Variants in SLCO5A1 observed in about 807,000 individuals in gnomAD.
SLCO5A1 encodes solute carrier organic anion transporter family member 5A1, also known as organic anion transporter polypeptide-related protein 4.
SLCO5A1 carries 39 observed loss-of-function variants against 65.1 expected under a neutral mutation model. The ratio of observed to expected loss-of-function variants is 0.60; its 90% CI spans 0.46 to 0.78. The LOEUF (loss-of-function observed/expected upper bound fraction) is 0.78, where lower values mean the gene tolerates loss of function less well. Among genes scored for constraint, SLCO5A1 ranks in the 30% least tolerant of loss-of-function variants. SLCO5A1 has a pLI of 0.00. For synonymous variants in SLCO5A1, 438 were observed against 415.7 expected, an observed-to-expected ratio of 1.05 and a Z score of -0.65; for missense variants, 1,029 against 1,069.4, an observed-to-expected ratio of 0.96 and a Z score of 0.53.
intron 5 of SLCO5A1, among the ~76,000 whole-genome samples, chr8:69,716,266 A>G (rs1815532893): frequency 6.6e-6 from 1 of 152,220 alleles, no homozygotes. Context: ...CTTTTTGGTT[A>G]TTATGAATAA....
intron 2 of SLCO5A1, among the ~76,000 whole-genome samples, chr8:69,811,790 G>A (rs1338860652): frequency 6.6e-6 from 1 of 152,198 alleles, no homozygotes; most frequent in Non-Finnish European, 1.5e-5. Context: ...TGTTTTAAGT[G>A]CATCCTGGGC....
chr8:69,688,387 C>A (rs1019841603), intron 6 of SLCO5A1, among the ~76,000 whole-genome samples: 13 of 151,732 alleles, frequency 8.6e-5, no homozygotes, highest in Non-Finnish European at 1.8e-4. Flanking sequence ...GCACAATGTG[C>A]AGGTTAGTTA....
chr8:69,833,678 G>C (rs1201316530), intron 1 of SLCO5A1: 1 of 152,254 alleles, frequency 6.6e-6, no homozygotes, highest in Non-Finnish European at 1.5e-5. Context: ...GTGCACACTG[G>C]TGTGCGTTGG....
At chr8:69,824,954 G>T (rs1021805748) in intron 2 of SLCO5A1, among the ~76,000 whole-genome samples, 1 of 152,054 alleles carries the variant, frequency 6.6e-6, no homozygotes, top group Non-Finnish European at 1.5e-5. Flanking sequence ...TCATCCCTGG[G>T]ATGCAAGGCT....
At chr8:69,753,738 T>C (rs2001956) in intron 4 of SLCO5A1, among the ~76,000 whole-genome samples, 34,932 of 151,840 alleles carry the variant, frequency 0.23, 5,314 homozygotes, top group African/African-American at 0.43. Flanking sequence ...TGGCCAGGCA[T>C]GGTGGCTCAC....
chr8:69,770,122 A>G (rs1407842437), intron 2 of SLCO5A1, among the ~76,000 whole-genome samples: 1 of 152,172 alleles, frequency 6.6e-6, no homozygotes, highest in Non-Finnish European at 1.5e-5. Context: ...TTCTATGTCA[A>G]TAAATATTCT....
Position 69,684,081 on chromosome 8 carries a change from G to C in SLCO5A1, c.1623-1738C>G, listed in dbSNP as rs146727581. ...ACAATGCAAAAGGCAAATAAATTCT[G>C]TTTTTCATTCATGTCGCTCCATAGA... On this transcript the variant is annotated intron_variant, in intron 6 of 9. Transcript: ENST00000260126. 3.9e-4 allele frequency among the ~76,000 whole-genome samples: 59 copies of C among 152,126 alleles called. 1 individual carries two copies. In the South Asian group the frequency reaches 6.8e-3, roughly 18 times the overall value.
At chr8:69,765,386 T>TTATATATATATATATATA (rs371210780) in intron 2 of SLCO5A1, among the ~76,000 whole-genome samples, 2 of 149,044 alleles carry the variant, frequency 1.3e-5, no homozygotes, top group African/African-American at 5.0e-5. Flanking sequence ...GTATGAGTAT[T>TTATATATATATATATATA]TATATATATA....
chr8:69,704,570 CA>C (rs1301240538), intron 6 of SLCO5A1, among the ~76,000 whole-genome samples: 2 of 151,934 alleles, frequency 1.3e-5, no homozygotes, highest in Admixed American at 6.6e-5. Flanking sequence ...GAAGGATATG[CA>C]AAAAAATGAA....
At chr8:69,682,368 T>C in intron 6 of SLCO5A1, 25 bp from the exon 7 acceptor site, 1 of 1,514,906 alleles carries the variant, frequency 6.6e-7, no homozygotes, top group Non-Finnish European at 8.8e-7. Context: ...AAGCAGATCA[T>C]GAGCAACACT....
intron 2 of SLCO5A1, among the ~76,000 whole-genome samples, chr8:69,789,990 T>A (rs1012798634): frequency 1.3e-5 from 2 of 151,790 alleles, no homozygotes; most frequent in African/African-American, 4.8e-5. Context: ...ATCAGGAGTT[T>A]GAGACCAGCC....
chr8:69,778,228 GGTGTGTGTGTGTGTGT>G (rs71556783), intron 2 of SLCO5A1, among the ~76,000 whole-genome samples: 3 of 143,038 alleles, frequency 2.1e-5, no homozygotes, highest in Admixed American at 7.0e-5. Context: ...ATATGTATGG[GGTGTGTGTGTGTGTGT>G]GTGTGTGTGT....
chr8:69,725,881 C>A (rs1006579832), intron 5 of SLCO5A1, among the ~76,000 whole-genome samples: 1 of 152,114 alleles, frequency 6.6e-6, no homozygotes, highest in Non-Finnish European at 1.5e-5. Context: ...TCTTTCTCAA[C>A]CTGACTTCTA....
chr8:69,687,778 T>C (rs533237725), intron 6 of SLCO5A1, among the ~76,000 whole-genome samples: 7 of 152,026 alleles, frequency 4.6e-5, no homozygotes, highest in African/African-American at 1.7e-4. Context: ...TTTTAAATTC[T>C]GTTTTGTCTC....
intron 5 of SLCO5A1, among the ~76,000 whole-genome samples, chr8:69,705,966 A>G (rs978311206): frequency 2.6e-5 from 4 of 152,254 alleles, no homozygotes. Context: ...ACTTGTGCAC[A>G]TGGGTACCAA....
In SLCO5A1 at chr8:69,741,321, A is replaced by G. The variant is rs1161331276; in HGVS notation, c.1259-3117T>C. 4.6e-5 allele frequency among the ~76,000 whole-genome samples: 7 copies of G among 152,324 alleles called. 1 individual carries two copies. Among genetic ancestry groups the G allele is most frequent in the Admixed American group, 4.6e-4 (7 of 15,302 alleles). On this transcript the variant is annotated intron_variant, in intron 4 of 9. Coordinates refer to ENST00000260126, the MANE Select transcript of SLCO5A1 (RefSeq NM_030958.3). ...CAATGATAATGAATCAACCCTATATATTAAATAAGGAGTCTTTAAACAGAA... is the reference window on the plus strand; with the variant it reads ...CAATGATAATGAATCAACCCTATATGTTAAATAAGGAGTCTTTAAACAGAA...
At chr8:69,763,614 C>CAAAAAAAAAAAAAA (rs770191440) in intron 2 of SLCO5A1, among the ~76,000 whole-genome samples, 1 of 13,168 alleles carries the variant, frequency 7.6e-5, no homozygotes, top group African/African-American at 2.0e-4. Context: ...AGCAAGACTC[C>CAAAAAAAAAAAAAA]AAAAAAAAAA....
At chr8:69,674,125 C>T (rs1401222481) in intron 9 of SLCO5A1, among the ~76,000 whole-genome samples, 1 of 152,218 alleles carries the variant, frequency 6.6e-6, no homozygotes, top group Non-Finnish European at 1.5e-5. Context: ...TCCTGACTTA[C>T]TCAGATGCCA....
intron 5 of SLCO5A1, chr8:69,713,541 C>T (rs1476207433): frequency 1.3e-5 from 2 of 152,180 alleles, no homozygotes; most frequent in African/African-American, 4.8e-5. Flanking sequence ...ATGTTGATTA[C>T]ATGCCAGGTA....
Sources: allele counts gnomAD v4.1 joint callset (sites outside exome capture counted in the v4.1 genomes callset), GRCh38; gene constraint gnomAD v4.1.1; transcripts MANE v1.5; gene names NCBI Gene and HGNC (gene_info 2026-07-23, HGNC 2026-07-21).